The following EFCAB6 variants were observed in gnomAD, a reference collection of about 807,000 sequenced individuals.
The protein encoded by EFCAB6 is EF-hand calcium-binding domain-containing protein 6.
In EFCAB6, 156 loss-of-function variants were observed where a neutral mutation model predicts 169.8. The ratio of observed to expected loss-of-function variants is 0.92; its 90% CI spans 0.81 to 1.05. The LOEUF (loss-of-function observed/expected upper bound fraction) is 1.05. Ranked by LOEUF, EFCAB6 falls within the 50% of genes least tolerant of loss-of-function variation. The pLI, the probability that EFCAB6 is intolerant of heterozygous loss-of-function variation, is 0.00. For missense variants in EFCAB6, 1,800 were observed against 1,829.1 expected, an observed-to-expected ratio of 0.98 and a Z score of 0.29; for synonymous variants, 698 against 676.4, an observed-to-expected ratio of 1.03 and a Z score of -0.50.
chr22:43,544,505 T>A (rs57377177), intron 27 of EFCAB6, among the ~76,000 whole-genome samples: 1 of 152,068 alleles, frequency 6.6e-6, no homozygotes, highest in African/African-American at 2.4e-5. Context: ...GGTGATCAGC[T>A]CTTCTGGTCT....
rs767684497 is a variant in EFCAB6 at position 43,716,861 on chromosome 22, T to G, written c.869A>C (p.Asn290Thr). ...AAAACATCTTACTTGTAGACAAAAG[T>G]TCCTCTCAATTTCATCCAAGGAGTA... ...RNYSLDEIERNFCLQLSKSYE... is the reference protein window; with the variant it reads ...RNYSLDEIERTFCLQLSKSYE... Residue 290 changes from asparagine to threonine, a missense_variant, in exon 9 of 32, where the codon AAC (asparagine) becomes ACC (threonine). By Grantham distance (65) the Asn-to-Thr change is moderately conservative. Coordinates refer to ENST00000262726, the MANE Select transcript of EFCAB6 (RefSeq NM_022785.4). 2 of 1,603,844 alleles carry G rather than the reference T, an allele frequency of 1.2e-6. No homozygotes were observed. Among genetic ancestry groups the G allele is most frequent in the African/African-American group, 2.7e-5 (2 of 74,640 alleles).
At chr22:43,539,939 G>GC (rs748375131) in intron 28 of EFCAB6, among the ~76,000 whole-genome samples, 188 bp downstream of exon 28, 4 of 151,980 alleles carry the variant, frequency 2.6e-5, no homozygotes, top group Non-Finnish European at 5.9e-5. Context: ...CCCCACGTCT[G>GC]CCCCCCTCCC....
chr22:43,588,867 T>C (rs1168536767), intron 24 of EFCAB6, among the ~76,000 whole-genome samples: 1 of 152,110 alleles, frequency 6.6e-6, no homozygotes, highest in African/African-American at 2.4e-5. Flanking sequence ...AAAAGAAAAG[T>C]GATGAGCTAG....
chr22:43,742,363 G>A (rs1468030111), intron 6 of EFCAB6, among the ~76,000 whole-genome samples: 2 of 152,110 alleles, frequency 1.3e-5, no homozygotes, highest in Non-Finnish European at 2.9e-5. Context: ...AGGGCTGAGT[G>A]GAATAGTTGG....
rs183119938 is a variant in EFCAB6, at chr22:43,573,627, C to T, written c.3420+2670G>A. On this transcript the variant is annotated intron_variant, in intron 26 of 31. Transcript: ENST00000262726. ...ACACCTGTAATCCCAGCTACTCGGG[C>T]GGCTGAGGCAGGAGAATCGCTTGAA... Among the ~76,000 whole-genome samples, 1,051 of 148,992 alleles carry T rather than the reference C, an allele frequency of 7.1e-3. 8 individuals carry two copies. Among genetic ancestry groups the T allele is most frequent in the Non-Finnish European group, 8.6e-3 (584 of 67,520 alleles).
chr22:43,562,843 C>T (rs1473119554), intron 26 of EFCAB6, among the ~76,000 whole-genome samples: 16 of 78,964 alleles, frequency 2.0e-4, no homozygotes, highest in South Asian at 4.5e-4. Flanking sequence ...GGAGGCAGCC[C>T]GGTGGGGGAT....
intron 10 of EFCAB6, among the ~76,000 whole-genome samples, chr22:43,695,112 C>T (rs2058526326): frequency 1.3e-5 from 2 of 151,890 alleles, no homozygotes; most frequent in South Asian, 4.1e-4. Flanking sequence ...AAGAAATCTA[C>T]AACAAAAGGT....
chr22:43,560,955 G>A (rs1202720644), intron 26 of EFCAB6, among the ~76,000 whole-genome samples: 1 of 152,214 alleles, frequency 6.6e-6, no homozygotes, highest in African/African-American at 2.4e-5. Context: ...GCGGCGTGGG[G>A]AAGGTGCTGG....
chr22:43,702,412 G>T (rs929695019), intron 10 of EFCAB6, among the ~76,000 whole-genome samples: 2 of 152,178 alleles, frequency 1.3e-5, no homozygotes, highest in Non-Finnish European at 2.9e-5. Context: ...TGAATCACCT[G>T]TGTGATTCAC....
At chr22:43,536,583 T>A (rs2047395856) in intron 29 of EFCAB6, 1 of 152,226 alleles carries the variant, frequency 6.6e-6, no homozygotes, top group African/African-American at 2.4e-5. Context: ...GGGTCACACC[T>A]GATCCTAGCA....
At chr22:43,677,934 A>T in intron 13 of EFCAB6, 62 bp downstream of exon 13, 1 of 1,511,918 alleles carries the variant, frequency 6.6e-7, no homozygotes, top group South Asian at 1.2e-5. Context: ...ATCTCTTATT[A>T]GGAATACTGA....
chr22:43,618,220 A>AAGAAAGAAAGAAAGAAAGAAAGAAAGAG (rs1569257492), intron 20 of EFCAB6, among the ~76,000 whole-genome samples: 2 of 120,720 alleles, frequency 1.7e-5, no homozygotes, highest in East Asian at 5.2e-4. Context: ...GAAAGAAAGA[A>AAGAAAGAAAGAAAGAAAGAAAGAAAGAG]AGAGAAAGAA....
intron 17 of EFCAB6, among the ~76,000 whole-genome samples, chr22:43,660,470 T>C (rs1390160527): frequency 6.6e-6 from 1 of 152,074 alleles, no homozygotes; most frequent in Admixed American, 6.6e-5. Flanking sequence ...AACCTTGTTT[T>C]TTCCATACTA....
chr22:43,568,235 C>A (rs2049580478), intron 26 of EFCAB6, among the ~76,000 whole-genome samples: 1 of 152,208 alleles, frequency 6.6e-6, no homozygotes, highest in Non-Finnish European at 1.5e-5. Flanking sequence ...CAGTCCAGTG[C>A]AGCATCCTGA....
Position 43,574,751 on chromosome 22 carries a change from A to C in EFCAB6, c.3420+1546T>G, listed in dbSNP as rs1602356487. Among the ~76,000 whole-genome samples, 4 of 152,328 alleles carry C rather than the reference A, an allele frequency of 2.6e-5. No homozygotes were observed. The Middle Eastern group carries it at 0.014, about 518-fold the overall frequency. ...GGTATTTGCGACGCACATGACAACCAAGGGCTTAAAGCCTTTCAGGTCATT... is the reference window on the plus strand; with the variant it reads ...GGTATTTGCGACGCACATGACAACCCAGGGCTTAAAGCCTTTCAGGTCATT... On this transcript the variant is annotated intron_variant, in intron 26 of 31. Transcript: ENST00000262726.
intron 26 of EFCAB6, among the ~76,000 whole-genome samples, chr22:43,558,336 C>T (rs185941229): frequency 9.2e-5 from 14 of 152,034 alleles, no homozygotes; most frequent in East Asian, 1.9e-4. Context: ...AATTCACAGT[C>T]GCATTAATGA....
intron 2 of EFCAB6, among the ~76,000 whole-genome samples, chr22:43,784,678 C>CAT (rs1569488099): frequency 4.8e-4 from 17 of 35,702 alleles, no homozygotes; most frequent in Admixed American, 3.4e-3. Flanking sequence ...TACATATATA[C>CAT]ACACACACAC....
At chr22:43,775,378 A>G (rs2061606273) in intron 3 of EFCAB6, among the ~76,000 whole-genome samples, 1 of 152,236 alleles carries the variant, frequency 6.6e-6, no homozygotes, top group Non-Finnish European at 1.5e-5. Context: ...GACATCTATC[A>G]GTATGATACA....
At chr22:43,737,581 TCA>T (rs1026974067) in intron 6 of EFCAB6, among the ~76,000 whole-genome samples, 5 of 136,532 alleles carry the variant, frequency 3.7e-5, no homozygotes, top group African/African-American at 8.5e-5. Flanking sequence ...GTGCATATAC[TCA>T]CACATACACC....
Sources: allele counts gnomAD v4.1 joint callset (sites outside exome capture counted in the v4.1 genomes callset), GRCh38; gene constraint gnomAD v4.1.1; transcripts MANE v1.5; gene names NCBI Gene and HGNC (gene_info 2026-07-23, HGNC 2026-07-21).